The following SMS variants were observed in gnomAD, a reference collection of about 807,000 sequenced individuals.
SMS encodes the protein spermine synthase, also known as spermidine aminopropyltransferase.
A neutral mutation model predicts 33.0 loss-of-function variants in SMS; 3 were observed. The observed-to-expected ratio is 0.09, with a 90% CI of 0.04 to 0.23. The LOEUF is 0.23. Ranked by LOEUF, SMS falls within the 10% of genes least tolerant of loss-of-function variation. The probability of loss-of-function intolerance (pLI) is 1.00; values close to 1 mark genes in which losing one functional copy is unlikely to be tolerated. For missense variants in SMS, 117 were observed against 288.6 expected (o/e 0.41, Z 4.31); for synonymous variants, 103 against 112.2 (o/e 0.92, Z 0.52).
intron 10 of SMS, 70 bp downstream of exon 10, chrX:21,992,782 T>C: frequency 1.6e-6 from 1 of 614,037 alleles, no homozygotes; most frequent in East Asian, 3.3e-5. Flanking sequence ...AATGAAAAAA[T>C]TTAAATCACA....
intron 8 of SMS, 59 bp downstream of exon 8, chrX:21,984,477 G>T (rs2146953532): frequency 1.4e-6 from 1 of 736,961 alleles, no homozygotes; most frequent in Admixed American, 2.2e-5. Flanking sequence ...ACCATGTGAG[G>T]GTGAAAGGAT....
chrX:21,979,079 A>C (rs1439019229), intron 7 of SMS, 113 bp downstream of exon 7: 1 of 550,112 alleles, frequency 1.8e-6, no homozygotes, highest in Non-Finnish European at 3.2e-6. Context: ...AGATAAATAC[A>C]TCATCTGTCT....
At chrX:21,978,175 G>A in intron 6 of SMS, 61 bp downstream of exon 6, 3 of 1,061,017 alleles carry the variant, frequency 2.8e-6, no homozygotes, top group Admixed American at 4.4e-5. Context: ...TTCCTTCAGT[G>A]TCTCACAACT....
chrX:21,964,105 TTAC>T (rs1923541187), intron 1 of SMS, among the ~76,000 whole-genome samples: 1 of 108,609 alleles, frequency 9.2e-6, no homozygotes, highest in African/African-American at 3.4e-5. Flanking sequence ...GTCTTAAATG[TTAC>T]AGTTCTGGGG....
At chrX:21,991,238 C>CGCCA in intron 9 of SMS, among the ~76,000 whole-genome samples, 1 of 111,458 alleles carries the variant, frequency 9.0e-6, no homozygotes, top group Admixed American at 9.5e-5. Context: ...AGTGCAGTGG[C>CGCCA]GCCATCTCGG....
chrX:21,966,608 CGTT>C (rs1043738126), intron 1 of SMS, among the ~76,000 whole-genome samples: 1 of 111,033 alleles, frequency 9.0e-6, no homozygotes, highest in African/African-American at 3.3e-5. Context: ...CATATGGAAT[CGTT>C]GTCCAGTTTC....
chrX:21,975,370 C>G (rs1281787246), intron 4 of SMS, among the ~76,000 whole-genome samples: 1 of 112,183 alleles, frequency 8.9e-6, no homozygotes, highest in Non-Finnish European at 1.9e-5. Flanking sequence ...AGCTCTTCAC[C>G]TTAGCCAAGG....
At chrX:21,944,539 A>AAAAAG (rs1922059155) in intron 1 of SMS, among the ~76,000 whole-genome samples, 9 of 81,440 alleles carry the variant, frequency 1.1e-4, no homozygotes, top group African/African-American at 3.9e-4. Flanking sequence ...AAAAAAAAAA[A>AAAAAG]AAAAAAGAAA....
At chrX:21,945,847 A>G (rs1922190400) in intron 1 of SMS, among the ~76,000 whole-genome samples, 1 of 109,997 alleles carries the variant, frequency 9.1e-6, no homozygotes, top group African/African-American at 3.3e-5. Flanking sequence ...CTGGTCTCGA[A>G]CTCCTGACCT....
At position 21,967,425 on chromosome X, in the gene SMS, C is replaced by A. The variant is rs3747277; in HGVS notation, c.170+109C>A. On this transcript the variant is annotated intron_variant, in intron 2 of 10. Coordinates refer to ENST00000404933, the MANE Select transcript of SMS (RefSeq NM_004595.5). ...GGCATTTTTTTTTCTCCTTTGACAT[C>A]TTTTAGGATGGGAATGGAACTTGGT... 109,666 of 850,401 alleles carry A rather than the reference C, an allele frequency of 0.13. 5,430 individuals are homozygous for A. Among genetic ancestry groups the A allele is most frequent in the East Asian group, 0.22 (6,789 of 30,280 alleles). 70.1% of individuals were successfully genotyped at this position (850,401 alleles called of 1,213,427 possible). A position where few individuals can be genotyped will look rare whatever the true frequency, so the allele number is the denominator to read the frequency against.
intron 10 of SMS, among the ~76,000 whole-genome samples, chrX:21,993,125 C>T (rs963351238): frequency 2.7e-5 from 3 of 112,163 alleles, no homozygotes; most frequent in African/African-American, 9.7e-5. Context: ...ACCAGCCCTC[C>T]CAGGGATTTA....
chrX:21,986,944 C>A (rs1327549175), intron 9 of SMS, among the ~76,000 whole-genome samples: 1 of 110,401 alleles, frequency 9.1e-6, no homozygotes, highest in Non-Finnish European at 1.9e-5. Context: ...CCAGTGAAAC[C>A]TGCTCAAATG....
chrX:21,981,244 C>T (rs1327294372), intron 7 of SMS, among the ~76,000 whole-genome samples: 3 of 109,575 alleles, frequency 2.7e-5, no homozygotes, highest in East Asian at 5.7e-4. Context: ...TGCTTGAACC[C>T]GGGAGGTGGA....
In SMS at chrX:21,982,870, A is replaced by G. The variant is rs143566645; in HGVS notation, c.751-1434A>G. On this transcript the variant is annotated intron_variant, in intron 7 of 10. Transcript: ENST00000404933. ...ATGGATTGAAAGCAACGGTGGTGTT[A>G]GTACCTCCTATATTTTTCCATAGTT... Among the ~76,000 whole-genome samples, 34 of 112,270 alleles carry G rather than the reference A, an allele frequency of 3.0e-4. No individual in the cohort carries two copies. In the East Asian group the frequency reaches 9.5e-3, roughly 31 times the overall value.
At chrX:21,942,709 C>T (rs778415578) in intron 1 of SMS, among the ~76,000 whole-genome samples, 3 of 109,776 alleles carry the variant, frequency 2.7e-5, no homozygotes, top group South Asian at 7.8e-4. Flanking sequence ...CTGAATTTAG[C>T]GGTGAGGAGA....
intron 4 of SMS, among the ~76,000 whole-genome samples, chrX:21,976,248 G>C (rs750821831): frequency 8.1e-5 from 9 of 111,225 alleles, no homozygotes; most frequent in Non-Finnish European, 1.5e-4. Flanking sequence ...GTTGGGGGGT[G>C]AGGACTTCTA....
chrX:21,973,664 C>G (rs1442085438), intron 4 of SMS, among the ~76,000 whole-genome samples: 2 of 113,036 alleles, frequency 1.8e-5, no homozygotes, highest in African/African-American at 6.4e-5. Flanking sequence ...AGGTTATTTT[C>G]AAGTGATCAT....
chrX:21,985,997 G>T (rs1046345724), intron 9 of SMS, among the ~76,000 whole-genome samples: 1 of 110,717 alleles, frequency 9.0e-6, no homozygotes, highest in African/African-American at 3.3e-5. Flanking sequence ...CTCCAGCCTG[G>T]GTGACAGAGT....
At chrX:21,946,836 C>G (rs1922271596) in intron 1 of SMS, among the ~76,000 whole-genome samples, 1 of 112,082 alleles carries the variant, frequency 8.9e-6, no homozygotes, top group African/African-American at 3.2e-5. Context: ...GATGACAGAT[C>G]ATCAGCAAAA....
Sources: allele counts gnomAD v4.1 joint callset (sites outside exome capture counted in the v4.1 genomes callset), GRCh38; gene constraint gnomAD v4.1.1; transcripts MANE v1.5; gene names NCBI Gene and HGNC (gene_info 2026-07-23, HGNC 2026-07-21).